NAA11: variants seen among roughly 807,000 people sequenced by gnomAD.
The protein encoded by NAA11 is N-alpha-acetyltransferase 11, NatA catalytic subunit.
In NAA11, 15 loss-of-function variants were observed where a neutral mutation model predicts 16.1. The ratio of observed to expected loss-of-function variants is 0.93; its 90% CI spans 0.62 to 1.44. NAA11 has a LOEUF of 1.44. NAA11 is among the 40% of genes most tolerant of loss of function. The probability of loss-of-function intolerance (pLI) is 0.00; values close to 1 mark genes in which losing one functional copy is unlikely to be tolerated. For synonymous variants in NAA11, 122 were observed against 112.4 expected, an observed-to-expected ratio of 1.09 and a Z score of -0.54; for missense variants, 298 against 291.3, an observed-to-expected ratio of 1.02 and a Z score of -0.17.
At chr4:79,306,773 C>T (rs1723593410) in intron 1 of NAA11, 1 of 152,108 alleles carries the variant, frequency 6.6e-6, no homozygotes, top group Non-Finnish European at 1.5e-5. Flanking sequence ...CACTGGAAAC[C>T]TTGTTTTCAT....
At chr4:79,209,089 G>A in the NAA11 span, among the ~76,000 whole-genome samples, 1 of 152,056 alleles carries the variant, frequency 6.6e-6, no homozygotes, top group South Asian at 2.1e-4. Flanking sequence ...ATTTGTAAAT[G>A]GACAGGCTGG....
chr4:79,216,586 C>T, the NAA11 span, among the ~76,000 whole-genome samples: 6 of 151,932 alleles, frequency 3.9e-5, no homozygotes, highest in African/African-American at 1.5e-4. Flanking sequence ...ATGTCTTAGG[C>T]TGAATTTCCC....
chr4:79,234,736 C>G (rs1721533932), intron 2 of NAA11, among the ~76,000 whole-genome samples: 1 of 152,054 alleles, frequency 6.6e-6, no homozygotes, highest in Non-Finnish European at 1.5e-5. Context: ...TAATTTCTTT[C>G]AAATCTCAGT....
At chr4:79,202,140 C>T in the NAA11 span, among the ~76,000 whole-genome samples, 1 of 151,510 alleles carries the variant, frequency 6.6e-6, no homozygotes, top group African/African-American at 2.4e-5. Flanking sequence ...ATGAGATCAA[C>T]CTTTTTAGAT....
chr4:79,299,740 G>C (rs576623783), intron 1 of NAA11, among the ~76,000 whole-genome samples: 38 of 152,256 alleles, frequency 2.5e-4, no homozygotes, highest in Admixed American at 1.2e-3. Flanking sequence ...AATCTCAAAG[G>C]AAGCAACTTT....
chr4:79,297,619 C>T (rs1024492473), intron 1 of NAA11, among the ~76,000 whole-genome samples: 4 of 152,226 alleles, frequency 2.6e-5, no homozygotes, highest in African/African-American at 9.6e-5. Context: ...ACAGCCCATC[C>T]AGGTGTGCAC....
chr4:79,184,861 A>G, the NAA11 span, among the ~76,000 whole-genome samples: 1 of 152,206 alleles, frequency 6.6e-6, no homozygotes, highest in Non-Finnish European at 1.5e-5. Context: ...ACACAAGCAA[A>G]CTAATTATAT....
the NAA11 span, among the ~76,000 whole-genome samples, chr4:79,182,849 T>C: frequency 6.6e-6 from 1 of 152,180 alleles, no homozygotes; most frequent in Non-Finnish European, 1.5e-5. Flanking sequence ...ATAATCATTT[T>C]ATTCAATATT....
At chr4:79,178,295 CAATATTT>C in the NAA11 span, among the ~76,000 whole-genome samples, 18 of 152,218 alleles carry the variant, frequency 1.2e-4, no homozygotes, top group South Asian at 2.9e-3. Flanking sequence ...AAACGGCGAA[CAATATTT>C]AATAATTGCG....
intron 2 of NAA11, among the ~76,000 whole-genome samples, chr4:79,261,776 C>A (rs906761310): frequency 6.6e-6 from 1 of 152,120 alleles, no homozygotes; most frequent in African/African-American, 2.4e-5. Context: ...AGGAATTTTC[C>A]TTTAAACAAT....
At chr4:79,166,813 G>A in the NAA11 span, among the ~76,000 whole-genome samples, 1 of 148,968 alleles carries the variant, frequency 6.7e-6, no homozygotes, top group East Asian at 2.1e-4. Context: ...AAGTTGCAGT[G>A]AGGCAGGACA....
intron 2 of NAA11, among the ~76,000 whole-genome samples, chr4:79,250,157 G>A (rs2109967274): frequency 6.6e-6 from 1 of 152,384 alleles, no homozygotes; most frequent in East Asian, 1.9e-4. Flanking sequence ...CCAGGGCCTT[G>A]GGTCTGAGGC....
intron 1 of NAA11, among the ~76,000 whole-genome samples, chr4:79,295,607 T>G (rs1723199387): frequency 6.6e-6 from 1 of 151,914 alleles, no homozygotes; most frequent in Non-Finnish European, 1.5e-5. Context: ...AACCGTAATA[T>G]CCCCTGTGCT....
intron 1 of NAA11, among the ~76,000 whole-genome samples, chr4:79,295,651 A>G (rs79857124): frequency 0.043 from 6,547 of 152,274 alleles, 179 homozygotes; most frequent in East Asian, 0.08. Context: ...TTAAAAAAGC[A>G]GGAAAGAAAA....
intron 2 of NAA11, among the ~76,000 whole-genome samples, chr4:79,290,325 T>G (rs995726285): frequency 1.3e-5 from 2 of 152,098 alleles, no homozygotes; most frequent in African/African-American, 4.8e-5. Flanking sequence ...AGGAAAATGG[T>G]GTGCTCTATC....
At position 79,325,261 on chromosome 4, in the gene NAA11, CT is replaced by C. The variant is rs1724226548; in HGVS notation, c.616del (p.Ser206AlafsTer42). 1 of 1,613,622 alleles carries C rather than the reference CT, an allele frequency of 6.2e-7. No homozygotes were observed. Among genetic ancestry groups the C allele is most frequent in the Admixed American group, 1.7e-5 (1 of 59,952 alleles). On this transcript the variant is annotated frameshift_variant, in exon 1 of 2. Transcript: ENST00000286794. LOFTEE classifies it high-confidence loss of function. ...CTCCACAGACTCCTTAGGTTCTTTG[CT>C]GTCACTGCCACTTTCTTCGGTAGCC... is the stretch of plus-strand genomic sequence containing the variant. ...NPATEESGSDSKEPKESVEST... is the reference protein window; with the variant it reads ...NPATEESGSDXKEPKESVEST...
At chr4:79,315,461 A>C (rs1252463555), downstream of NAA11, among the ~76,000 whole-genome samples, 1 of 152,192 alleles carries the variant, frequency 6.6e-6, no homozygotes, top group Non-Finnish European at 1.5e-5. Flanking sequence ...GGCTTCATTC[A>C]CAAGTTTTCC....
At chr4:79,208,922 T>C in the NAA11 span, among the ~76,000 whole-genome samples, 1 of 9,606 alleles carries the variant, frequency 1.0e-4, no homozygotes, top group Admixed American at 1.9e-3. Context: ...ATTATATAAC[T>C]GCCAAAAAAA....
At chr4:79,252,830 T>G (rs529869865) in intron 2 of NAA11, among the ~76,000 whole-genome samples, 3 of 152,174 alleles carry the variant, frequency 2.0e-5, no homozygotes, top group South Asian at 4.2e-4. Flanking sequence ...CAGTGAAGAG[T>G]CTGAAACTGA....
Sources: gnomAD v4.1 joint callset for allele counts (sites outside exome capture counted in the v4.1 genomes callset) on GRCh38, gnomAD v4.1.1 for gene constraint, MANE v1.5 for transcripts, NCBI Gene and HGNC (gene_info 2026-07-23, HGNC 2026-07-21) for gene names.